Variants in CPN1 observed in about 807,000 individuals in gnomAD.
CPN1 encodes the protein carboxypeptidase N catalytic chain.
In CPN1, 37 loss-of-function variants were observed where a neutral mutation model predicts 46.4. The ratio of observed to expected loss-of-function variants is 0.80; its 90% CI spans 0.61 to 1.05. The LOEUF is 1.05. Ranked by LOEUF, CPN1 falls within the 50% of genes least tolerant of loss-of-function variation. CPN1 has a pLI of 0.00. For missense variants in CPN1, 563 were observed against 602.6 expected, an observed-to-expected ratio of 0.93 and a Z score of 0.69; for synonymous variants, 224 against 235.4, an observed-to-expected ratio of 0.95 and a Z score of 0.44.
chr10:100,054,841 CTTTT>C (rs56250435), intron 6 of CPN1, among the ~76,000 whole-genome samples: 11 of 132,740 alleles, frequency 8.3e-5, no homozygotes, highest in Middle Eastern at 3.9e-3. Flanking sequence ...TTCTTTCTTT[CTTTT>C]TTTTTTTTTT....
At chr10:100,059,591 T>C (rs1165980563) in intron 5 of CPN1, among the ~76,000 whole-genome samples, 1 of 63,882 alleles carries the variant, frequency 1.6e-5, no homozygotes, top group Non-Finnish European at 3.5e-5. Flanking sequence ...ATGGCTACTA[T>C]CAAAAAAAAA....
intron 4 of CPN1, among the ~76,000 whole-genome samples, chr10:100,064,314 T>C (rs1449258954): frequency 6.6e-6 from 1 of 150,938 alleles, no homozygotes; most frequent in African/African-American, 2.4e-5. Flanking sequence ...AGTTCATTAA[T>C]GATTAATACT....
chr10:100,054,340 C>G lies in CPN1; in HGVS notation c.1111+7G>C, dbSNP rs748482664. ...TTCCTTCTTACCCCTAAGCAGTGAC[C>G]ACCTACCTGAAGTGACATCATGGTT... On this transcript the variant is annotated splice_region_variant and intron_variant, in intron 7 of 8. Transcript: ENST00000370418. The G allele has an allele frequency of 1.9e-6, 3 of 1,610,308 alleles. No homozygotes were observed. In the South Asian group the frequency reaches 3.3e-5, roughly 18 times the overall value.
At chr10:100,077,500 G>A (rs978100485) in intron 1 of CPN1, among the ~76,000 whole-genome samples, 1 of 152,030 alleles carries the variant, frequency 6.6e-6, no homozygotes, top group African/African-American at 2.4e-5. Context: ...CAAAGTGCTA[G>A]GATTACAGGT....
chr10:100,065,152 A>G (rs373512083), intron 4 of CPN1, 36 bp downstream of exon 4: 101 of 1,600,618 alleles, frequency 6.3e-5, no homozygotes, highest in Non-Finnish European at 8.3e-5. Flanking sequence ...CTGAGCCCCA[A>G]GTTCCCCTGG....
intron 8 of CPN1, among the ~76,000 whole-genome samples, chr10:100,046,633 C>T (rs896377082): frequency 1.3e-5 from 2 of 150,794 alleles, no homozygotes; most frequent in East Asian, 2.0e-4. Context: ...ATTAGCTGGG[C>T]GTGGTGGCAC....
In CPN1 at chr10:100,081,696, C is replaced by T. The variant is rs2041548444; in HGVS notation, c.-71G>A. ...CCTTAAACAACCTAGCCTCTTCACC[C>T]GCCAAAATCCAAGGTCCACCTAGCT... On this transcript the variant is annotated 5_prime_UTR_variant, in exon 1 of 9. Transcript: ENST00000370418. 1 of 1,331,834 alleles carries T rather than the reference C, an allele frequency of 7.5e-7. No homozygotes were observed. Among genetic ancestry groups the T allele is most frequent in the Admixed American group, 1.9e-5 (1 of 53,380 alleles). 82.5% of individuals were successfully genotyped at this position (1,331,834 alleles called of 1,614,324 possible).
intron 8 of CPN1, among the ~76,000 whole-genome samples, chr10:100,047,636 C>G (rs1295920833): frequency 6.6e-6 from 1 of 152,188 alleles, no homozygotes; most frequent in Non-Finnish European, 1.5e-5. Flanking sequence ...GGCCTTCATT[C>G]TGAAGGCTCC....
chr10:100,045,734 G>C (rs1275076346), intron 8 of CPN1, among the ~76,000 whole-genome samples: 1 of 152,170 alleles, frequency 6.6e-6, no homozygotes, highest in Non-Finnish European at 1.5e-5. Context: ...CTACCTCACA[G>C]GGTTGTTGTG....
At chr10:100,058,228 G>A (rs1164075268) in intron 5 of CPN1, among the ~76,000 whole-genome samples, 4 of 151,772 alleles carry the variant, frequency 2.6e-5, no homozygotes, top group Non-Finnish European at 5.9e-5. Context: ...CATTTCCAAA[G>A]TCTGCATATT....
intron 5 of CPN1, among the ~76,000 whole-genome samples, chr10:100,057,702 T>C (rs763169468): frequency 3.5e-4 from 54 of 152,160 alleles, no homozygotes; most frequent in Non-Finnish European, 7.1e-4. Flanking sequence ...AGTTTTTTAT[T>C]TTAATAAATT....
intron 5 of CPN1, among the ~76,000 whole-genome samples, chr10:100,057,681 G>A (rs1302419193): frequency 6.6e-6 from 1 of 152,108 alleles, no homozygotes; most frequent in Non-Finnish European, 1.5e-5. Context: ...TTGGTTCTCA[G>A]GGCTTACTGT....
At position 100,052,431 on chromosome 10, in the gene CPN1, G is replaced by A. The variant is rs577648237; in HGVS notation, c.1111+1916C>T. Among the ~76,000 whole-genome samples, 6 of 152,166 alleles carry A rather than the reference G, an allele frequency of 3.9e-5. No individual in the cohort carries two copies. The South Asian group carries it at 1.0e-3, about 26-fold the overall frequency. ...GGGGTTTCACCATGTTGGCCAGGCCGGTCTTGAGCTCCTGACCTCAAGTGT... is the reference window on the plus strand; with the variant it reads ...GGGGTTTCACCATGTTGGCCAGGCCAGTCTTGAGCTCCTGACCTCAAGTGT... On this transcript the variant is annotated intron_variant, in intron 7 of 8. Transcript: ENST00000370418.
intron 2 of CPN1, among the ~76,000 whole-genome samples, chr10:100,072,158 T>A (rs1378223271): frequency 6.6e-6 from 1 of 152,146 alleles, no homozygotes; most frequent in South Asian, 2.1e-4. Flanking sequence ...AGTCCATGTT[T>A]AACTGTTTTT....
chr10:100,066,898 A>G (rs1333385737), intron 3 of CPN1, among the ~76,000 whole-genome samples: 1 of 152,210 alleles, frequency 6.6e-6, no homozygotes, highest in Non-Finnish European at 1.5e-5. Context: ...CTAAGCCTCT[A>G]TCAGAACAAG....
intron 3 of CPN1, among the ~76,000 whole-genome samples, chr10:100,068,160 A>C (rs1433229887): frequency 6.6e-6 from 1 of 151,250 alleles, no homozygotes; most frequent in Non-Finnish European, 1.5e-5. Flanking sequence ...GTCTCAAAAA[A>C]AAAAAAAAAG....
intron 3 of CPN1, among the ~76,000 whole-genome samples, chr10:100,067,810 G>A (rs1284187876): frequency 6.6e-6 from 1 of 152,064 alleles, no homozygotes; most frequent in Non-Finnish European, 1.5e-5. Flanking sequence ...GGAAGAGTAA[G>A]GGAAATCAGG....
rs1010984059 is a variant in CPN1, at chr10:100,069,566, T to C, written c.576+148A>G. The C allele has an allele frequency of 1.4e-5, 13 of 927,586 alleles. No homozygotes were observed. The East Asian group carries it at 1.7e-4, about 12-fold the overall frequency. 57.5% of individuals were successfully genotyped at this position (927,586 alleles called of 1,614,324 possible). A position where few individuals can be genotyped will look rare whatever the true frequency, so the allele number is the denominator to read the frequency against. On this transcript the variant is annotated intron_variant, in intron 3 of 8. Transcript: ENST00000370418. ...TAAATACAAAGACACGGAAGAAATA[T>C]ATATTATTGCTCTAGATGGGTTAAT...
intron 5 of CPN1, among the ~76,000 whole-genome samples, chr10:100,057,830 T>C (rs1212217569): frequency 6.6e-6 from 1 of 152,162 alleles, no homozygotes; most frequent in Non-Finnish European, 1.5e-5. Flanking sequence ...AGCTGTGGCA[T>C]TTCACTGTAA....
Sources: gnomAD v4.1 joint callset for allele counts (sites outside exome capture counted in the v4.1 genomes callset) on GRCh38, gnomAD v4.1.1 for gene constraint, MANE v1.5 for transcripts, NCBI Gene and HGNC (gene_info 2026-07-23, HGNC 2026-07-21) for gene names.